ATRNL1: variants seen among roughly 807,000 people sequenced by gnomAD.
The protein encoded by ATRNL1 is attractin like 1.
A neutral mutation model predicts 182.7 loss-of-function variants in ATRNL1; 95 were observed. That is an observed-to-expected ratio of 0.52 (90% confidence interval 0.44 to 0.62). The LOEUF is 0.62. Among genes scored for constraint, ATRNL1 ranks in the 20% least tolerant of loss-of-function variants. The pLI is 0.00. For synonymous variants in ATRNL1, 576 were observed against 568.3 expected (o/e 1.01, Z -0.19); for missense variants, 1,471 against 1,679.5 (o/e 0.88, Z 2.17).
intron 27 of ATRNL1, among the ~76,000 whole-genome samples, chr10:115,782,847 C>T (rs1342042646): frequency 6.6e-6 from 1 of 152,094 alleles, no homozygotes; most frequent in Non-Finnish European, 1.5e-5. Flanking sequence ...ACTCTTGGGG[C>T]AAATTGTTTT....
At chr10:115,671,711 C>T (rs1465341283) in intron 26 of ATRNL1, among the ~76,000 whole-genome samples, 6 of 152,052 alleles carry the variant, frequency 3.9e-5, no homozygotes, top group African/African-American at 1.4e-4. Context: ...ATTTGGGCAG[C>T]CTCCAAAGGA....
intron 26 of ATRNL1, among the ~76,000 whole-genome samples, chr10:115,691,281 A>G (rs1176185721): frequency 1.3e-5 from 2 of 152,114 alleles, no homozygotes; most frequent in Admixed American, 1.3e-4. Flanking sequence ...CCTTACCAAC[A>G]TTGATTATCT....
intron 26 of ATRNL1, 100 bp from the exon 27 acceptor site, chr10:115,727,148 A>G: frequency 1.3e-6 from 1 of 794,498 alleles, no homozygotes; most frequent in Non-Finnish European, 2.1e-6. Flanking sequence ...AATGATTCCT[A>G]ACTTTTCAAT....
intron 28 of ATRNL1, among the ~76,000 whole-genome samples, chr10:115,898,970 T>TA (rs1491092456): frequency 6.6e-6 from 1 of 151,996 alleles, no homozygotes; most frequent in Non-Finnish European, 1.5e-5. Flanking sequence ...CTTTTTTTTT[T>TA]ATTATACTTT....
At chr10:115,500,784 G>A (rs919477567) in intron 24 of ATRNL1, among the ~76,000 whole-genome samples, 28 of 151,758 alleles carry the variant, frequency 1.8e-4, no homozygotes, top group Non-Finnish European at 2.8e-4. Context: ...CAGGTGATCC[G>A]CCTGCCTCGG....
intron 27 of ATRNL1, among the ~76,000 whole-genome samples, chr10:115,729,924 T>C (rs1363309368): frequency 3.9e-5 from 6 of 152,084 alleles, no homozygotes; most frequent in Non-Finnish European, 8.8e-5. Context: ...ATTTCTTTTA[T>C]TTTTCACTAA....
intron 25 of ATRNL1, among the ~76,000 whole-genome samples, chr10:115,539,099 A>G (rs1484538574): frequency 1.3e-5 from 2 of 152,180 alleles, no homozygotes; most frequent in African/African-American, 4.8e-5. Flanking sequence ...CTAATGATGC[A>G]TTTCTTAGAA....
At chr10:115,419,095 A>G (rs1845537824) in intron 20 of ATRNL1, among the ~76,000 whole-genome samples, 1 of 152,222 alleles carries the variant, frequency 6.6e-6, no homozygotes, top group South Asian at 2.1e-4. Context: ...GATAGACAAT[A>G]TGAAAAATAT....
intron 14 of ATRNL1, among the ~76,000 whole-genome samples, chr10:115,281,915 TATTA>T (rs1198146905): frequency 6.8e-6 from 1 of 148,096 alleles, no homozygotes; most frequent in African/African-American, 2.4e-5. Flanking sequence ...ATATAGAACA[TATTA>T]ATTATATATT....
chr10:115,093,660 C>T lies in ATRNL1; in HGVS notation c.-91C>T, dbSNP rs1451766935. 7 of 1,350,764 alleles carry T rather than the reference C, an allele frequency of 5.2e-6. No homozygotes were observed. The highest frequency in any genetic ancestry group is 2.6e-5 in the South Asian group (2 of 77,592). The allele number at this position is 1,350,764 out of a possible 1,614,324, so 83.7% of individuals were successfully genotyped here. A position where few individuals can be genotyped will look rare whatever the true frequency, so the allele number is the denominator to read the frequency against. The stretch of plus-strand genomic sequence containing the variant: ...CGGTGAGGAGGAGGAGAAGCGGCGG[C>T]GGAGAGGTTTTCTGCGGCCGGAATT... On this transcript the variant is annotated 5_prime_UTR_variant, in exon 1 of 29. Coordinates refer to ENST00000355044, the MANE Select transcript of ATRNL1 (RefSeq NM_207303.4). The surrounding 1 kb of genome is among the most constrained non-coding windows in gnomAD (Gnocchi z 6.1).
intron 27 of ATRNL1, among the ~76,000 whole-genome samples, chr10:115,763,668 T>C (rs1029056604): frequency 2.0e-5 from 3 of 151,912 alleles, no homozygotes; most frequent in Admixed American, 6.6e-5. Flanking sequence ...AATAAGAAAA[T>C]GTGTGTGTGT....
At chr10:115,453,973 A>T (rs1455674995) in intron 21 of ATRNL1, among the ~76,000 whole-genome samples, 4 of 152,054 alleles carry the variant, frequency 2.6e-5, no homozygotes, top group African/African-American at 9.7e-5. Flanking sequence ...AAAAAAAGAA[A>T]TCCATTGTGA....
intron 1 of ATRNL1, among the ~76,000 whole-genome samples, chr10:115,106,583 CG>C (rs1844022382): frequency 2.0e-5 from 3 of 152,114 alleles, no homozygotes; most frequent in Admixed American, 2.0e-4. Context: ...AATTACCCAG[CG>C]GGAGGTAATT....
intron 26 of ATRNL1, among the ~76,000 whole-genome samples, chr10:115,717,644 C>T (rs1043946876): frequency 2.0e-5 from 3 of 147,392 alleles, no homozygotes; most frequent in Non-Finnish European, 4.5e-5. Flanking sequence ...CTCCACATCC[C>T]GGGTTAAAGC....
chr10:115,844,701 T>A (rs1950889495), intron 27 of ATRNL1, among the ~76,000 whole-genome samples: 1 of 151,990 alleles, frequency 6.6e-6, no homozygotes. Context: ...GTCAGTGATG[T>A]TTTCTGGCAG....
chr10:115,868,250 C>T (rs913430341), intron 28 of ATRNL1, among the ~76,000 whole-genome samples: 6 of 152,112 alleles, frequency 3.9e-5, no homozygotes, highest in Non-Finnish European at 8.8e-5. Context: ...CATCTTCTTC[C>T]AAAATTTCTT....
intron 25 of ATRNL1, among the ~76,000 whole-genome samples, chr10:115,526,115 C>T (rs552806858): frequency 3.3e-5 from 5 of 152,252 alleles, no homozygotes; most frequent in South Asian, 2.1e-4. Context: ...GCTAGGGAAG[C>T]GGTTGGTAAA....
chr10:115,184,652 T>TA (rs1379572729), intron 8 of ATRNL1, among the ~76,000 whole-genome samples: 3 of 151,722 alleles, frequency 2.0e-5, no homozygotes, highest in African/African-American at 7.2e-5. Flanking sequence ...TTTACTCTTT[T>TA]AAAAAAATAG....
intron 27 of ATRNL1, among the ~76,000 whole-genome samples, chr10:115,825,435 A>G (rs782554018): frequency 1.4e-4 from 22 of 152,176 alleles, no homozygotes; most frequent in Non-Finnish European, 2.5e-4. Flanking sequence ...GTATAATAAT[A>G]AAAAAGGACC....
Sources: gnomAD v4.1 joint callset for allele counts (sites outside exome capture counted in the v4.1 genomes callset) on GRCh38, gnomAD v4.1.1 for gene constraint, Gnocchi (gnomAD v3.1) non-coding constraint, MANE v1.5 for transcripts, NCBI Gene and HGNC (gene_info 2026-07-23, HGNC 2026-07-21) for gene names.